Variants in BCR observed in about 807,000 individuals in gnomAD.
BCR encodes breakpoint cluster region protein.
In BCR, 58 loss-of-function variants were observed where a neutral mutation model predicts 138.6. That is an observed-to-expected ratio of 0.42 (90% CI 0.34 to 0.52). The LOEUF (loss-of-function observed/expected upper bound fraction) is 0.52, where lower values mean the gene tolerates loss of function less well. BCR is among the 20% of genes least tolerant of loss of function. The probability of loss-of-function intolerance (pLI) is 0.06; values close to 1 mark genes in which losing one functional copy is unlikely to be tolerated. For missense variants in BCR, 1,599 were observed against 1,727.2 expected (o/e 0.93, Z 1.32); for synonymous variants, 786 against 730.1 (o/e 1.08, Z -1.23).
chr22:23,260,455 C>T lies in BCR; in HGVS notation c.1462-495C>T, dbSNP rs958511135. ...GGAGAAGGCGGTGCTGCCTGGGCCC[C>T]GTCAATCGAAGGGTCATGTGGCGGC... is the stretch of plus-strand genomic sequence containing the variant. On this transcript the variant is annotated intron_variant, in intron 2 of 22. Transcript: ENST00000305877. Among the ~76,000 whole-genome samples the T allele has an allele frequency of 8.5e-5, 13 of 152,144 alleles. No homozygotes were observed. The East Asian group carries it at 1.3e-3, about 16-fold the overall frequency.
At chr22:23,285,487 C>G (rs1602104434) in intron 10 of BCR, among the ~76,000 whole-genome samples, 1 of 152,364 alleles carries the variant, frequency 6.6e-6, no homozygotes, top group African/African-American at 2.4e-5. Flanking sequence ...GTGCGCCTTT[C>G]ACGGGATACT....
At chr22:23,268,794 G>T (rs2073475649) in intron 5 of BCR, among the ~76,000 whole-genome samples, 1 of 152,228 alleles carries the variant, frequency 6.6e-6, no homozygotes, top group Non-Finnish European at 1.5e-5. Flanking sequence ...TCTGCAGTGA[G>T]GGGTGTCTGT....
rs143923270 is a variant in BCR at position 23,182,166 on chromosome 22, C to T, written c.1206C>T (p.Ala402=). Residue 402 remains alanine, a synonymous_variant, in exon 1 of 23, where the codon GCC becomes GCT. Transcript: ENST00000305877. ...ACTGCCCGGTTGTCGTGTCCGAGGC[C>T]ACCATCGTGGGCGTCCGCAAGACCG... ...HRHCPVVVSE[A]TIVGVRKTGQ... 3.1e-5 allele frequency: 49 copies of T among 1,606,412 alleles called. No individual in the cohort carries two copies. In the African/African-American group the frequency reaches 6.1e-4, roughly 20 times the overall value.
rs771541146 is a variant in BCR, at chr22:23,182,257, C to T, written c.1279+18C>T. 2.6e-6 allele frequency: 4 copies of T among 1,532,896 alleles called. No homozygotes were observed. Among genetic ancestry groups the T allele is most frequent in the African/African-American group, 2.7e-5 (2 of 73,568 alleles). 95.0% of individuals were successfully genotyped at this position (1,532,896 alleles called of 1,614,324 possible). A position where few individuals can be genotyped will look rare whatever the true frequency, so the allele number is the denominator to read the frequency against. ...AGACGCAGGTGAGTTCCTCACGCCACGTGCGTGGGCACACCTGCACGGGGG... is the reference window on the plus strand; with the variant it reads ...AGACGCAGGTGAGTTCCTCACGCCATGTGCGTGGGCACACCTGCACGGGGG... On this transcript the variant is annotated intron_variant, in intron 1 of 22. Coordinates refer to ENST00000305877, the MANE Select transcript of BCR (RefSeq NM_004327.4).
At chr22:23,297,465 G>GGT (rs1197827479) in intron 16 of BCR, among the ~76,000 whole-genome samples, 2 of 152,228 alleles carry the variant, frequency 1.3e-5, no homozygotes, top group African/African-American at 4.8e-5. Flanking sequence ...AACCTGCTCA[G>GGT]AATCAGGGCC....
chr22:23,283,363 C>T (rs11912657), intron 8 of BCR: 35,213 of 152,320 alleles, frequency 0.23, 4,436 homozygotes, highest in Middle Eastern at 0.3. Flanking sequence ...GTTCCTGCTG[C>T]CTTCAGAACC....
chr22:23,278,326 TGCA>T (rs2073603320), intron 8 of BCR, among the ~76,000 whole-genome samples: 1 of 152,194 alleles, frequency 6.6e-6, no homozygotes, highest in African/African-American at 2.4e-5. Flanking sequence ...AAACAGGAGC[TGCA>T]GGAAGGCCCT....
At chr22:23,233,914 C>T (rs1445963504) in intron 1 of BCR, among the ~76,000 whole-genome samples, 1 of 151,350 alleles carries the variant, frequency 6.6e-6, no homozygotes, top group Non-Finnish European at 1.5e-5. Context: ...AAGGGCATGT[C>T]AGTGGGCAGA....
In BCR at chr22:23,271,515, C is replaced by T. The variant is rs767593519; in HGVS notation, c.1861-17C>T. 5.6e-6 allele frequency: 9 copies of T among 1,613,430 alleles called. No homozygotes were observed. The highest frequency in any genetic ancestry group is 2.2e-5 in the East Asian group (1 of 44,900). ...TGCTTCTGTCATCTGTGTGAACATGCGCTTTTCTCTCTGCAGAACCTGAGA... is the reference window on the plus strand; with the variant it reads ...TGCTTCTGTCATCTGTGTGAACATGTGCTTTTCTCTCTGCAGAACCTGAGA... On this transcript the variant is annotated splice_polypyrimidine_tract_variant and intron_variant, in intron 5 of 22. Coordinates refer to ENST00000305877, the MANE Select transcript of BCR (RefSeq NM_004327.4).
At chr22:23,291,459 A>G (rs1286829965) in intron 14 of BCR, among the ~76,000 whole-genome samples, 4 of 152,044 alleles carry the variant, frequency 2.6e-5, no homozygotes, top group African/African-American at 9.7e-5. Context: ...TTCATAACAT[A>G]ATCTTTCTCC....
rs767442183 is a variant in BCR, at chr22:23,261,420, G to T, written c.1632G>T (p.Glu544Asp). The change falls in exon 4 of 23, where the codon GAG becomes GAT. Residue 544 changes from glutamate to aspartate, a missense_variant. This residue lies in a region of BCR where 590 missense variants were observed against 762.4 expected (regional missense o/e 0.77). Transcript: ENST00000305877. ...CGGTGCTGACGAGTCAGCAGATCGAGACCATCTTCTTCAAAGTGCCTGAGC... is the reference window on the plus strand; with the variant it reads ...CGGTGCTGACGAGTCAGCAGATCGATACCATCTTCTTCAAAGTGCCTGAGC... ...SQPVLTSQQI[E>D]TIFFKVPELY... The T allele has an allele frequency of 6.2e-7, 1 of 1,613,886 alleles. No individual in the cohort carries two copies. Among genetic ancestry groups the T allele is most frequent in the South Asian group, 1.1e-5 (1 of 91,068 alleles).
intron 1 of BCR, among the ~76,000 whole-genome samples, chr22:23,212,126 C>T (rs1602020060): frequency 6.6e-6 from 1 of 152,186 alleles, no homozygotes; most frequent in Non-Finnish European, 1.5e-5. Flanking sequence ...CTCCTCTTTC[C>T]GTTGCTGGTT....
In BCR at chr22:23,287,236, G is replaced by C. The variant is rs2073725184; in HGVS notation, c.2484G>C (p.Met828Ile). ...AGCAGGAGTCACTGCTGCTGCTTAT[G>C]TCTCCCAGCATGGCCTTCAGGGTGC... The part of the protein sequence containing the change: ...LSEQESLLLL[M>I]SPSMAFRVHS... Residue 828 changes from methionine (M) to isoleucine (I), a missense_variant, in exon 11 of 23, where the codon ATG (methionine) becomes ATC (isoleucine). This residue lies in a region of BCR where 590 missense variants were observed against 762.4 expected (regional missense o/e 0.77). Transcript: ENST00000305877. 6.4e-7 allele frequency: 1 copy of C among 1,559,742 alleles called. No homozygotes were observed. The highest frequency in any genetic ancestry group is 8.7e-7 in the Non-Finnish European group (1 of 1,151,262).
chr22:23,277,511 C>CCTGCTGCTGCTG (rs377227910), intron 8 of BCR, among the ~76,000 whole-genome samples: 1 of 151,918 alleles, frequency 6.6e-6, no homozygotes, highest in African/African-American at 2.4e-5. Context: ...TACCCCATCC[C>CCTGCTGCTGCTG]CTGCTGCTGC....
At position 23,313,996 on chromosome 22, in the gene BCR, C is replaced by T. The variant is rs1602137770; in HGVS notation, c.3486C>T (p.Ser1162=). 6.2e-7 allele frequency: 1 copy of T among 1,614,042 alleles called. No individual in the cohort carries two copies. Among genetic ancestry groups the T allele is most frequent in the African/African-American group, 1.3e-5 (1 of 75,038 alleles). The change falls in exon 21 of 23, where the codon AGC becomes AGT. Residue 1162 remains serine, a synonymous_variant. Coordinates refer to ENST00000305877, the MANE Select transcript of BCR (RefSeq NM_004327.4). ...TTTCAGACCCGGTTGCAAAGGAGAG[C>T]TGCATGCTCAACCTGCTGCTGTCCC... is the stretch of plus-strand genomic sequence containing the variant. ...IALSDPVAKE[S]CMLNLLLSLP...
chr22:23,273,838 C>T (rs2073539814), intron 8 of BCR, 64 bp downstream of exon 8: 2 of 1,600,450 alleles, frequency 1.2e-6, no homozygotes, highest in Admixed American at 3.3e-5. Context: ...TGCAGGGCCC[C>T]TCGATCTGAG....
At chr22:23,207,775 T>C (rs1323768900) in intron 1 of BCR, among the ~76,000 whole-genome samples, 2 of 152,142 alleles carry the variant, frequency 1.3e-5, no homozygotes, top group Non-Finnish European at 2.9e-5. Context: ...GCATATGGTG[T>C]TGGGGTGAGA....
intron 6 of BCR, 28 bp from the exon 7 acceptor site, chr22:23,273,053 C>T: frequency 1.2e-6 from 2 of 1,609,232 alleles, no homozygotes; most frequent in East Asian, 2.2e-5. Flanking sequence ...CATGTGCAAC[C>T]TCTCTCACCT....
At chr22:23,233,023 T>A (rs542019780) in intron 1 of BCR, among the ~76,000 whole-genome samples, 1 of 152,360 alleles carries the variant, frequency 6.6e-6, no homozygotes, top group East Asian at 1.9e-4. Context: ...CAGCCTGGAC[T>A]TGGGTCCAGA....
Sources: allele counts gnomAD v4.1 joint callset (sites outside exome capture counted in the v4.1 genomes callset), GRCh38; gene constraint gnomAD v4.1.1; regional missense constraint gnomAD v4.1.1; transcripts MANE v1.5; gene names NCBI Gene and HGNC (gene_info 2026-07-23, HGNC 2026-07-21).